Variants in WWOX observed in about 807,000 individuals in gnomAD.
The protein encoded by WWOX is WW domain containing oxidoreductase, also known as WW domain-containing oxidoreductase.
Under a neutral mutation model 46.2 loss-of-function variants are expected in WWOX, and 69 were observed. That is an observed-to-expected ratio of 1.49 (90% CI 1.23 to 1.82). WWOX has a LOEUF of 1.82. WWOX is among the 40% of genes most tolerant of loss of function. WWOX has a pLI of 0.00. For synonymous variants in WWOX, 359 were observed against 202.6 expected (o/e 1.77, Z -6.56); for missense variants, 919 against 542.6 (o/e 1.69, Z -6.89).
At chr16:78,744,132 A>G (rs1026006881) in intron 8 of WWOX, among the ~76,000 whole-genome samples, 4 of 152,210 alleles carry the variant, frequency 2.6e-5, no homozygotes, top group Admixed American at 2.0e-4. Context: ...TGCTCTGAGA[A>G]CACAGTAAAC....
intron 8 of WWOX, among the ~76,000 whole-genome samples, chr16:78,814,606 C>T (rs764721191): frequency 6.6e-6 from 1 of 152,118 alleles, no homozygotes. Context: ...CAAGATGTAT[C>T]CTTTGTGGAT....
chr16:78,647,731 G>A (rs927725420), intron 8 of WWOX, among the ~76,000 whole-genome samples: 2 of 152,162 alleles, frequency 1.3e-5, no homozygotes, highest in Non-Finnish European at 2.9e-5. Flanking sequence ...GCTGGTAAGT[G>A]GCAGATCCAG....
intron 8 of WWOX, among the ~76,000 whole-genome samples, chr16:78,556,001 C>G (rs1405184647): frequency 6.6e-6 from 1 of 151,918 alleles, no homozygotes; most frequent in Non-Finnish European, 1.5e-5. Flanking sequence ...AGGGAAGTAA[C>G]AGGGAGAAGA....
At chr16:78,776,687 C>G (rs1042434363) in intron 8 of WWOX, among the ~76,000 whole-genome samples, 1 of 152,094 alleles carries the variant, frequency 6.6e-6, no homozygotes, top group Admixed American at 6.6e-5. Flanking sequence ...GTTTAATTGA[C>G]TCACAATTCT....
intron 8 of WWOX, among the ~76,000 whole-genome samples, chr16:78,845,600 C>A (rs144467475): frequency 6.6e-6 from 1 of 152,202 alleles, no homozygotes; most frequent in East Asian, 1.9e-4. Context: ...GGCTTTGCTG[C>A]GTAATAGTCC....
intron 8 of WWOX, among the ~76,000 whole-genome samples, chr16:78,573,144 G>C (rs2044760705): frequency 6.6e-6 from 1 of 152,112 alleles, no homozygotes; most frequent in African/African-American, 2.4e-5. Flanking sequence ...AATTAGCCAG[G>C]CATGGTGGCG....
At chr16:78,769,812 G>A (rs1474355001) in intron 8 of WWOX, among the ~76,000 whole-genome samples, 15 of 151,072 alleles carry the variant, frequency 9.9e-5, no homozygotes, top group Non-Finnish European at 1.5e-5. Flanking sequence ...TTCGAGATCA[G>A]TGTGGACAAC....
At chr16:78,309,270 T>G (rs55664465) in intron 5 of WWOX, among the ~76,000 whole-genome samples, 1 of 152,188 alleles carries the variant, frequency 6.6e-6, no homozygotes, top group African/African-American at 2.4e-5. Context: ...TGGTAGTTTC[T>G]CTGCGTTCAT....
intron 8 of WWOX, among the ~76,000 whole-genome samples, chr16:79,201,244 C>T (rs751696243): frequency 1.7e-4 from 26 of 152,110 alleles, no homozygotes; most frequent in Non-Finnish European, 3.4e-4. Flanking sequence ...TTCTCAGCTC[C>T]CTCCAGGACT....
At chr16:78,596,243 A>G (rs541721975) in intron 8 of WWOX, among the ~76,000 whole-genome samples, 24 of 152,324 alleles carry the variant, frequency 1.6e-4, no homozygotes, top group African/African-American at 2.4e-4. Flanking sequence ...TGGGTTTGCC[A>G]TCTTTTCTTT....
chr16:78,194,190 A>G (rs1313157992), intron 5 of WWOX, among the ~76,000 whole-genome samples: 3 of 152,048 alleles, frequency 2.0e-5, no homozygotes, highest in South Asian at 2.1e-4. Flanking sequence ...TTAAAACAAT[A>G]TATGTCTCTT....
At chr16:78,705,976 G>C (rs2048319751) in intron 8 of WWOX, among the ~76,000 whole-genome samples, 1 of 151,386 alleles carries the variant, frequency 6.6e-6, no homozygotes, top group Non-Finnish European at 1.5e-5. Flanking sequence ...TGTGCGTACA[G>C]CAGTGACTCA....
chr16:79,068,309 G>C (rs914720974), intron 8 of WWOX, among the ~76,000 whole-genome samples: 1 of 152,174 alleles, frequency 6.6e-6, no homozygotes, highest in African/African-American at 2.4e-5. Flanking sequence ...TAACCATCTT[G>C]GGGGTGAGGA....
chr16:78,952,383 A>G (rs8044258), intron 8 of WWOX, among the ~76,000 whole-genome samples: 35,003 of 145,394 alleles, frequency 0.24, 4,433 homozygotes, highest in Middle Eastern at 0.35. Flanking sequence ...TTGTTTTTTG[A>G]GTTTTTTTTT....
At chr16:78,871,868 G>C (rs191456298) in intron 8 of WWOX, among the ~76,000 whole-genome samples, 1 of 152,144 alleles carries the variant, frequency 6.6e-6, no homozygotes, top group Non-Finnish European at 1.5e-5. Flanking sequence ...CTCCCAAAGC[G>C]CTGGGATTAC....
chr16:78,827,803 T>C (rs2051703874), intron 8 of WWOX, among the ~76,000 whole-genome samples: 1 of 152,150 alleles, frequency 6.6e-6, no homozygotes, highest in Non-Finnish European at 1.5e-5. Flanking sequence ...ATGGCGCCAC[T>C]GCACTCTAGC....
intron 8 of WWOX, among the ~76,000 whole-genome samples, chr16:79,043,895 G>C (rs1382427941): frequency 1.3e-5 from 2 of 152,186 alleles, no homozygotes; most frequent in Non-Finnish European, 2.9e-5. Context: ...AGTAGTTGTA[G>C]CAAAAGTCCA....
chr16:78,968,118 G>T (rs1037639330), intron 8 of WWOX, among the ~76,000 whole-genome samples: 1 of 7,512 alleles, frequency 1.3e-4, no homozygotes, highest in African/African-American at 2.7e-4. Context: ...TGGTCCGCGT[G>T]GCACAGCGCG....
intron 8 of WWOX, among the ~76,000 whole-genome samples, chr16:78,938,340 T>C (rs2045784762): frequency 6.6e-6 from 1 of 152,148 alleles, no homozygotes; most frequent in African/African-American, 2.4e-5. Context: ...GGCCTCCAAG[T>C]TGGAACCCGT....
Sources: gnomAD v4.1 joint callset for allele counts (sites outside exome capture counted in the v4.1 genomes callset) on GRCh38, gnomAD v4.1.1 for gene constraint, MANE v1.5 for transcripts, NCBI Gene and HGNC (gene_info 2026-07-23, HGNC 2026-07-21) for gene names.